The following PRPF39 variants were observed in gnomAD, a reference collection of about 807,000 sequenced individuals.
PRPF39 encodes pre-mRNA processing factor 39.
PRPF39 carries 27 observed loss-of-function variants against 82.1 expected under a neutral mutation model. The observed-to-expected ratio is 0.33, with a 90% CI of 0.24 to 0.45. PRPF39 has a LOEUF of 0.45. Ranked by LOEUF, PRPF39 falls within the 20% of genes least tolerant of loss-of-function variation. The probability of loss-of-function intolerance (pLI) is 1.00; values close to 1 mark genes in which losing one functional copy is unlikely to be tolerated. For missense variants in PRPF39, 581 were observed against 796.9 expected (o/e 0.73, Z 3.26); for synonymous variants, 261 against 256.4 (o/e 1.02, Z -0.17).
intron 1 of PRPF39, among the ~76,000 whole-genome samples, chr14:45,091,756 TA>T (rs990409494): frequency 3.3e-5 from 5 of 151,700 alleles, no homozygotes; most frequent in South Asian, 4.2e-4. Flanking sequence ...GCTACTTTGT[TA>T]AAAAAAAATT....
intron 1 of PRPF39, among the ~76,000 whole-genome samples, chr14:45,094,056 A>G (rs1884123990): frequency 6.6e-6 from 1 of 151,916 alleles, no homozygotes; most frequent in South Asian, 2.1e-4. Flanking sequence ...GGTCATTTGC[A>G]TTTCTTCCTT....
At chr14:45,108,310 C>G (rs919167069) in intron 6 of PRPF39, 105 bp from the exon 7 acceptor site, 4 of 1,294,146 alleles carry the variant, frequency 3.1e-6, no homozygotes, top group Non-Finnish European at 4.0e-6. Flanking sequence ...TACCACTATT[C>G]TAAGACTAAA....
intron 4 of PRPF39, among the ~76,000 whole-genome samples, chr14:45,099,958 C>T (rs1884322541): frequency 6.6e-6 from 1 of 152,182 alleles, no homozygotes. Context: ...ATTTTTGTTC[C>T]TATTACAGAT....
chr14:45,100,231 A>AAAAC (rs142365872), intron 4 of PRPF39, among the ~76,000 whole-genome samples: 213 of 151,836 alleles, frequency 1.4e-3, no homozygotes, highest in East Asian at 3.7e-3. Flanking sequence ...CCCTGTCTCA[A>AAAAC]AAACAAACAA....
Position 45,114,865 on chromosome 14 carries a change from T to C in PRPF39, c.1962T>C (p.Tyr654=). 6.3e-7 allele frequency: 1 copy of C among 1,599,358 alleles called. No individual in the cohort carries two copies. Among genetic ancestry groups the C allele is most frequent in the Non-Finnish European group, 8.6e-7 (1 of 1,167,074 alleles). ...TTACTTTTTCCTTTCAGTACAATTA[T>C]CAGAATCCTTGGAATTATGGACAAT... ...YNYSAWYQYN[Y]QNPWNYGQYY... Residue 654 remains tyrosine, a synonymous_variant, in exon 14 of 14, where the codon TAT becomes TAC. Coordinates refer to ENST00000355765, the MANE Select transcript of PRPF39 (RefSeq NM_017922.4).
At position 45,110,895 on chromosome 14, in the gene PRPF39, TG is replaced by T. The variant is rs2139065792; in HGVS notation, c.1572+79del. On this transcript the variant is annotated intron_variant, in intron 10 of 13. Transcript: ENST00000355765. This position sits in a 1 kb window ranked among gnomAD's most constrained non-coding sequence, Gnocchi z 4.0. Reference sequence around the variant, plus strand: ...TGTATTTTCACTGTGGCAACTGTGATGAAAGATTTGGTCTGTATGTAATAGA... The same window carrying T: ...TGTATTTTCACTGTGGCAACTGTGATAAAGATTTGGTCTGTATGTAATAGA... 1 of 1,309,016 alleles carries T rather than the reference TG, an allele frequency of 7.6e-7. No individual in the cohort carries two copies. Among genetic ancestry groups the T allele is most frequent in the Non-Finnish European group, 1.0e-6 (1 of 960,738 alleles). The allele number at this position is 1,309,016 out of a possible 1,614,324, so 81.1% of individuals were successfully genotyped here. A position where few individuals can be genotyped will look rare whatever the true frequency, so the allele number is the denominator to read the frequency against.
chr14:45,102,437 T>C lies in PRPF39; in HGVS notation c.570-92T>C, dbSNP rs577680668. 7.3e-5 allele frequency: 81 copies of C among 1,108,460 alleles called. No individual in the cohort carries two copies. In the African/African-American group the frequency reaches 1.2e-3, roughly 17 times the overall value. 68.7% of individuals were successfully genotyped at this position (1,108,460 alleles called of 1,614,324 possible). On this transcript the variant is annotated intron_variant, in intron 4 of 13. Transcript: ENST00000355765. ...CATAGGAAGCAGTTGAATATAATTT[T>C]TGAAGTTAGCATTATCTTCTAAATT...
intron 5 of PRPF39, among the ~76,000 whole-genome samples, chr14:45,104,401 C>G (rs1374173539): frequency 6.6e-6 from 1 of 152,048 alleles, no homozygotes; most frequent in Admixed American, 6.5e-5. Context: ...ATTCACATGA[C>G]TAACTGCTTT....
intron 4 of PRPF39, 37 bp downstream of exon 4, chr14:45,097,042 TATAA>T (rs1884220527): frequency 6.7e-7 from 1 of 1,490,588 alleles, no homozygotes. Flanking sequence ...TTTTTTATGA[TATAA>T]ATAATTATTC....
intron 6 of PRPF39, 112 bp from the exon 7 acceptor site, chr14:45,108,300 TACC>T: frequency 8.3e-7 from 1 of 1,211,250 alleles, no homozygotes; most frequent in Non-Finnish European, 1.1e-6. Context: ...GTTAAAAATC[TACC>T]ACTATTCTAA....
At position 45,115,061 on chromosome 14, in the gene PRPF39, GA is replaced by G. The variant is rs1321115123; in HGVS notation, c.*152del. On this transcript the variant is annotated 3_prime_UTR_variant, in exon 14 of 14. Transcript: ENST00000355765. The stretch of plus-strand genomic sequence containing the variant: ...AACATGATTTGTTTAGTAATAGGGG[GA>G]AAATGTCAATTAGTAGCTTACCACA... 1.8e-5 allele frequency: 9 copies of G among 508,322 alleles called. No homozygotes were observed. Among genetic ancestry groups the G allele is most frequent in the Admixed American group, 1.4e-4 (4 of 28,682 alleles). 31.5% of individuals were successfully genotyped at this position (508,322 alleles called of 1,614,324 possible).
chr14:45,089,082 C>T (rs1883936734), intron 1 of PRPF39, among the ~76,000 whole-genome samples: 3 of 152,170 alleles, frequency 2.0e-5, no homozygotes, highest in Non-Finnish European at 4.4e-5. Context: ...TCCTTTTATG[C>T]ACAAAAGCTT....
At chr14:45,086,853 T>G (rs56725078) in intron 1 of PRPF39, among the ~76,000 whole-genome samples, 17 of 138,898 alleles carry the variant, frequency 1.2e-4, no homozygotes, top group African/African-American at 4.1e-4. Context: ...TCAGTTTTTT[T>G]TTTTTTTTTT....
At chr14:45,092,624 A>AG (rs1301947319) in intron 1 of PRPF39, among the ~76,000 whole-genome samples, 3 of 150,154 alleles carry the variant, frequency 2.0e-5, no homozygotes, top group Non-Finnish European at 4.4e-5. Context: ...AAAAAAAAAA[A>AG]GTCGTCAGCA....
chr14:45,101,818 T>A (rs952177438), intron 4 of PRPF39, among the ~76,000 whole-genome samples: 1 of 151,784 alleles, frequency 6.6e-6, no homozygotes, highest in Non-Finnish European at 1.5e-5. Context: ...ACTTTTTTTT[T>A]TTTTTTGAGA....
At position 45,110,196 on chromosome 14, in the gene PRPF39, T is replaced by C. The variant is rs759779942; in HGVS notation, c.1279T>C (p.Trp427Arg). ...AAAGAAACCCATGGTGCATATGCTT[T>C]GGGCAGCTTTTGAGGAACAGCAGGG... ...LPKKPMVHML[W>R]AAFEEQQGNI... Residue 427 changes from tryptophan (W) to arginine (R), a missense_variant, in exon 9 of 14, where the codon TGG becomes CGG. Coordinates refer to ENST00000355765, the MANE Select transcript of PRPF39 (RefSeq NM_017922.4). The surrounding 1 kb of genome is among the most constrained non-coding windows in gnomAD (Gnocchi z 4.0). 1 of 1,613,714 alleles carries C rather than the reference T, an allele frequency of 6.2e-7. No homozygotes were observed. Among genetic ancestry groups the C allele is most frequent in the African/African-American group, 1.3e-5 (1 of 74,914 alleles).
chr14:45,086,846 GTTTT>G (rs57666854), intron 1 of PRPF39, among the ~76,000 whole-genome samples: 29 of 118,458 alleles, frequency 2.4e-4, no homozygotes, highest in Non-Finnish European at 3.4e-4. Flanking sequence ...GTGTTTCTCA[GTTTT>G]TTTTTTTTTT....
chr14:45,102,651 G>A lies in PRPF39; in HGVS notation c.692G>A (p.Arg231His), dbSNP rs1884411960. Residue 231 changes from arginine to histidine, a missense_variant, in exon 5 of 14, where the codon CGT becomes CAT. Physicochemically the swap from Arg to His is conservative, Grantham distance 29 (BLOSUM62 0). Transcript: ENST00000355765. ...NLREVTAIYD[R>H]ILGIPTQLYS... ...AGAGAAGTTACAGCTATATATGATC[G>A]TATTCTTGGTATTCCAACACAGCTG... 1.9e-6 allele frequency: 3 copies of A among 1,610,242 alleles called. No homozygotes were observed. Among genetic ancestry groups the A allele is most frequent in the African/African-American group, 1.3e-5 (1 of 74,878 alleles).
chr14:45,097,494 C>G (rs990034821), intron 4 of PRPF39, among the ~76,000 whole-genome samples: 1 of 152,154 alleles, frequency 6.6e-6, no homozygotes, highest in Non-Finnish European at 1.5e-5. Context: ...GTAGAATGCA[C>G]TAGAAATGGA....
Sources: allele counts gnomAD v4.1 joint callset (sites outside exome capture counted in the v4.1 genomes callset), GRCh38; gene constraint gnomAD v4.1.1; non-coding constraint Gnocchi (gnomAD v3.1); transcripts MANE v1.5; gene names NCBI Gene and HGNC (gene_info 2026-07-23, HGNC 2026-07-21).